The following HMMR variants were observed in gnomAD, a reference collection of about 807,000 sequenced individuals.
HMMR encodes the protein intracellular hyaluronic acid-binding protein.
Under a neutral mutation model 101.0 loss-of-function variants are expected in HMMR, and 108 were observed. That is an observed-to-expected ratio of 1.07 (90% CI 0.92 to 1.25). The LOEUF (loss-of-function observed/expected upper bound fraction) is 1.25. Ranked by LOEUF, HMMR falls within the 50% of genes most tolerant of loss-of-function variation. The probability of loss-of-function intolerance (pLI) is 0.00; values close to 1 mark genes in which losing one functional copy is unlikely to be tolerated. For missense variants in HMMR, 813 were observed against 788.7 expected, an observed-to-expected ratio of 1.03 and a Z score of -0.37; for synonymous variants, 296 against 276.4, an observed-to-expected ratio of 1.07 and a Z score of -0.70.
In HMMR at chr5:163,484,280, TTG is replaced by T. The variant is rs1581201314; in HGVS notation, c.1962+36_1962+37del. On this transcript the variant is annotated intron_variant, in intron 16 of 17. Transcript: ENST00000393915. ...ATGACTTTTCATTTTATTAAAGATATTGGAGTGGGGGTTATTCTAACTATAAT... is the reference window on the plus strand; with the variant it reads ...ATGACTTTTCATTTTATTAAAGATATGAGTGGGGGTTATTCTAACTATAAT... 3.5e-6 allele frequency: 4 copies of T among 1,141,306 alleles called. No homozygotes were observed. The East Asian group carries it at 9.8e-5, about 28-fold the overall frequency. 70.7% of individuals were successfully genotyped at this position (1,141,306 alleles called of 1,614,324 possible). A position where few individuals can be genotyped will look rare whatever the true frequency, so the allele number is the denominator to read the frequency against.
intron 4 of HMMR, among the ~76,000 whole-genome samples, chr5:163,468,822 TATC>T (rs920514521): frequency 1.3e-5 from 2 of 152,112 alleles, no homozygotes; most frequent in Admixed American, 1.3e-4. Context: ...ATATTAAAAA[TATC>T]ATTTCATTGT....
chr5:163,474,950 C>A (rs1045397152), intron 10 of HMMR, among the ~76,000 whole-genome samples: 7 of 151,844 alleles, frequency 4.6e-5, no homozygotes, highest in Non-Finnish European at 5.9e-5. Flanking sequence ...AAGAAAAATA[C>A]CAGAAGGCAT....
rs1261330476 is a variant in HMMR, at chr5:163,482,644, A to G, written c.1388A>G (p.Tyr463Cys). 19 of 1,607,434 alleles carry G rather than the reference A, an allele frequency of 1.2e-5. No individual in the cohort carries two copies. Among genetic ancestry groups the G allele is most frequent in the Non-Finnish European group, 1.4e-5 (16 of 1,174,828 alleles). Reference protein sequence around the residue: ...LEDVTAQFESYKALTASEIED... With the variant: ...LEDVTAQFESCKALTASEIED... ...GACTTTTTTTTCTTTTTAATAAGCTATAAAGCGTTAACAGCCAGTGAGATA... is the reference window on the plus strand; with the variant it reads ...GACTTTTTTTTCTTTTTAATAAGCTGTAAAGCGTTAACAGCCAGTGAGATA... The change falls in exon 13 of 18, where the codon TAT (tyrosine) becomes TGT (cysteine). Residue 463 changes from tyrosine (Y) to cysteine (C), a missense_variant and splice_region_variant. Physicochemically the swap from Tyr to Cys is radical, Grantham distance 194. Coordinates refer to ENST00000393915, the MANE Select transcript of HMMR (RefSeq NM_001142556.2).
At chr5:163,490,586 T>G (rs1759660882) in intron 17 of HMMR, 34 bp downstream of exon 17, 1 of 1,490,864 alleles carries the variant, frequency 6.7e-7, no homozygotes, top group African/African-American at 1.4e-5. Flanking sequence ...AAGTGTCCTC[T>G]TCCTTTGGAT....
At chr5:163,485,139 T>C (rs903329307) in intron 16 of HMMR, among the ~76,000 whole-genome samples, 9 of 152,130 alleles carry the variant, frequency 5.9e-5, no homozygotes, top group South Asian at 2.1e-4. Flanking sequence ...TGGGAAATAA[T>C]AGGAGGGAAA....
At chr5:163,478,549 T>C in intron 11 of HMMR, 135 bp from the exon 12 acceptor site, 1 of 607,434 alleles carries the variant, frequency 1.6e-6, no homozygotes, top group Non-Finnish European at 3.0e-6. Flanking sequence ...AATTAGGATC[T>C]GAGCTATTTA....
intron 3 of HMMR, among the ~76,000 whole-genome samples, chr5:163,467,233 T>C (rs1168174384): frequency 1.3e-5 from 2 of 152,234 alleles, no homozygotes; most frequent in Non-Finnish European, 1.5e-5. Flanking sequence ...ATATGTCTTA[T>C]TTAGAATAAA....
rs1758991994 is a variant in HMMR, at chr5:163,474,102, CAG to C, written c.954_955del (p.Glu318AspfsTer11). ...AGAGAACACAACGAAAATCTAAATG[CAG>C]AGATGCAAAACTTAAAACAGAAGTT... is the stretch of plus-strand genomic sequence containing the variant. On this transcript the variant is annotated frameshift_variant, in exon 10 of 18. Coordinates refer to ENST00000393915, the MANE Select transcript of HMMR (RefSeq NM_001142556.2). LOFTEE classifies it high-confidence loss of function. 6.2e-7 allele frequency: 1 copy of C among 1,611,116 alleles called. No individual in the cohort carries two copies. Among genetic ancestry groups the C allele is most frequent in the East Asian group, 2.2e-5 (1 of 44,670 alleles).
At chr5:163,488,447 T>A (rs1344655300) in intron 16 of HMMR, among the ~76,000 whole-genome samples, 1 of 152,206 alleles carries the variant, frequency 6.6e-6, no homozygotes, top group African/African-American at 2.4e-5. Context: ...AATTTTTAGA[T>A]CATATATTGT....
intron 12 of HMMR, among the ~76,000 whole-genome samples, chr5:163,481,959 A>T (rs1235301499): frequency 6.6e-6 from 1 of 152,084 alleles, no homozygotes; most frequent in Non-Finnish European, 1.5e-5. Context: ...CTTGTTGCCC[A>T]GGCTGGAGTG....
At chr5:163,468,629 A>T (rs1229729810) in intron 4 of HMMR, among the ~76,000 whole-genome samples, 5 of 152,158 alleles carry the variant, frequency 3.3e-5, no homozygotes, top group Non-Finnish European at 5.9e-5. Flanking sequence ...TTTTTTATGT[A>T]TTCTAATAAT....
In HMMR at chr5:163,491,184, A is replaced by G; in HGVS notation, c.*20A>G. The stretch of plus-strand genomic sequence containing the variant: ...AAGTAAACATCTGAGAAACCTGTTG[A>G]AGATTATTTCATTCGTCTTGTTGTT... On this transcript the variant is annotated 3_prime_UTR_variant, in exon 18 of 18. Coordinates refer to ENST00000393915, the MANE Select transcript of HMMR (RefSeq NM_001142556.2). 2 of 1,407,902 alleles carry G rather than the reference A, an allele frequency of 1.4e-6. No individual in the cohort carries two copies. The highest frequency in any genetic ancestry group is 2.0e-6 in the Non-Finnish European group (2 of 1,016,850). The allele number at this position is 1,407,902 out of a possible 1,614,324, so 87.2% of individuals were successfully genotyped here. A position where few individuals can be genotyped will look rare whatever the true frequency, so the allele number is the denominator to read the frequency against.
Position 163,483,249 on chromosome 5 carries a change from A to G in HMMR, c.1686-19A>G, listed in dbSNP as rs533567775. On this transcript the variant is annotated intron_variant, in intron 14 of 17. Coordinates refer to ENST00000393915, the MANE Select transcript of HMMR (RefSeq NM_001142556.2). ...TTTTTAAATAACTATGTTTTTCTCA[A>G]TTTAATTCTTCCATGCAGAAAAGCT... is the stretch of plus-strand genomic sequence containing the variant. 5.0e-6 allele frequency: 8 copies of G among 1,597,694 alleles called. No individual in the cohort carries two copies. Among genetic ancestry groups the G allele is most frequent in the South Asian group, 4.5e-5 (4 of 89,286 alleles).
chr5:163,479,058 A>G (rs976510286), intron 12 of HMMR, among the ~76,000 whole-genome samples: 11 of 152,224 alleles, frequency 7.2e-5, no homozygotes, highest in African/African-American at 2.2e-4. Context: ...GTGCGGCAGC[A>G]TATGCCTGTA....
intron 16 of HMMR, among the ~76,000 whole-genome samples, chr5:163,490,085 AG>A (rs1472848441): frequency 6.6e-6 from 1 of 152,246 alleles, no homozygotes; most frequent in Non-Finnish European, 1.5e-5. Flanking sequence ...GGAGCAGGTC[AG>A]CAGAACTTTC....
chr5:163,462,136 G>C, intron 1 of HMMR, among the ~76,000 whole-genome samples: 1 of 152,028 alleles, frequency 6.6e-6, no homozygotes, highest in East Asian at 1.9e-4. Context: ...GTAATCAAAG[G>C]ACCTACTCTT....
In HMMR at chr5:163,464,746, G is replaced by T; in HGVS notation, c.169G>T (p.Asp57Tyr). 6.2e-7 allele frequency: 1 copy of T among 1,612,488 alleles called. No individual in the cohort carries two copies. The highest frequency in any genetic ancestry group is 1.1e-5 in the South Asian group (1 of 91,028). ...AGAATCTAAACAAAATCTTAATGTT[G>T]ACAAAGATACTACCTTGCCTGCTTC... ...QKESKQNLNVDKDTTLPASAR... is the reference protein window; with the variant it reads ...QKESKQNLNVYKDTTLPASAR... The change falls in exon 3 of 18, where the codon GAC becomes TAC. Residue 57 changes from aspartate (D) to tyrosine (Y), a missense_variant. Transcript: ENST00000393915.
At chr5:163,482,925 C>A in intron 13 of HMMR, 95 bp from the exon 14 acceptor site, 2 of 1,353,596 alleles carry the variant, frequency 1.5e-6, no homozygotes, top group Non-Finnish European at 1.0e-6. Context: ...AATGACACTT[C>A]TTGAAGAGTT....
chr5:163,489,788 G>A (rs1436916189), intron 16 of HMMR, among the ~76,000 whole-genome samples: 1 of 152,194 alleles, frequency 6.6e-6, no homozygotes. Context: ...GGGACAAAAT[G>A]AGAAACTCTG....
Sources: allele counts gnomAD v4.1 joint callset (sites outside exome capture counted in the v4.1 genomes callset), GRCh38; gene constraint gnomAD v4.1.1; transcripts MANE v1.5; gene names NCBI Gene and HGNC (gene_info 2026-07-23, HGNC 2026-07-21).